The following OTOGL variants were observed in gnomAD, a reference collection of about 807,000 sequenced individuals.
OTOGL encodes the protein otogelin like.
Under a neutral mutation model 318.5 loss-of-function variants are expected in OTOGL, and 285 were observed. That is an observed-to-expected ratio of 0.89 (90% CI 0.81 to 0.99). OTOGL has a LOEUF of 0.99. OTOGL is among the 50% of genes least tolerant of loss of function. The pLI is 0.00. For synonymous variants in OTOGL, 987 were observed against 936.5 expected (o/e 1.05, Z -0.99); for missense variants, 2,899 against 2,845.6 (o/e 1.02, Z -0.43).
intron 24 of OTOGL, among the ~76,000 whole-genome samples, chr12:80,275,449 T>C (rs766522103): frequency 6.6e-6 from 1 of 151,912 alleles, no homozygotes; most frequent in Non-Finnish European, 1.5e-5. Flanking sequence ...TTGCTTCTTA[T>C]AGATGAGCAA....
intron 1 of OTOGL, among the ~76,000 whole-genome samples, chr12:80,208,553 GCT>G (rs1876992252): frequency 2.6e-5 from 4 of 152,140 alleles, no homozygotes; most frequent in Admixed American, 2.6e-4. Context: ...AAGGTGTGGG[GCT>G]CAGATCTATA....
In OTOGL at chr12:80,192,068, C is replaced by A. The variant is rs556315650; in HGVS notation, c.-19-17345C>A. ...AAAGAGGTATCAAGACTGATCCTAA[C>A]CACTGTTGTTGTTTTCCTCCTCTTC... On this transcript the variant is annotated intron_variant, in intron 1 of 58. Transcript: ENST00000547103. Among the ~76,000 whole-genome samples the A allele has an allele frequency of 6.6e-5, 10 of 152,296 alleles. 1 individual carries two copies. Among genetic ancestry groups the A allele is most frequent in the African/African-American group, 2.4e-4 (10 of 41,562 alleles).
At chr12:80,105,869 T>C (rs1320121383) in intron 1 of OTOGL, among the ~76,000 whole-genome samples, 1 of 152,214 alleles carries the variant, frequency 6.6e-6, no homozygotes, top group Non-Finnish European at 1.5e-5. Context: ...CCTGACAGTG[T>C]ACCCACTGGA....
At chr12:80,170,049 T>G (rs1206022004) in intron 1 of OTOGL, among the ~76,000 whole-genome samples, 1 of 152,172 alleles carries the variant, frequency 6.6e-6, no homozygotes, top group African/African-American at 2.4e-5. Context: ...GGTCATATGG[T>G]AAGTGGATGT....
At chr12:80,158,221 C>A (rs1873256653) in intron 1 of OTOGL, among the ~76,000 whole-genome samples, 1 of 152,094 alleles carries the variant, frequency 6.6e-6, no homozygotes, top group Non-Finnish European at 1.5e-5. Flanking sequence ...CTTGAACTGA[C>A]ATGAAGCTAT....
chr12:80,238,982 A>C lies in OTOGL; in HGVS notation c.945+4A>C, dbSNP rs1266203927. On this transcript the variant is annotated splice_donor_region_variant and intron_variant, in intron 10 of 58. Transcript: ENST00000547103. The stretch of plus-strand genomic sequence containing the variant: ...CAGTGGAATGCCAGCATTTGAGGTA[A>C]ATTTGATGTGAGAAATGTGGGCATG... 1 of 1,594,766 alleles carries C rather than the reference A, an allele frequency of 6.3e-7. No individual in the cohort carries two copies. Among genetic ancestry groups the C allele is most frequent in the South Asian group, 1.1e-5 (1 of 89,858 alleles).
intron 57 of OTOGL, among the ~76,000 whole-genome samples, chr12:80,375,844 A>G (rs1891148860): frequency 6.6e-6 from 1 of 152,114 alleles, no homozygotes; most frequent in African/African-American, 2.4e-5. Context: ...CATAAGGGGC[A>G]GAACAGCCTG....
chr12:80,136,361 C>T (rs374323045), intron 1 of OTOGL, among the ~76,000 whole-genome samples: 1 of 152,146 alleles, frequency 6.6e-6, no homozygotes, highest in African/African-American at 2.4e-5. Flanking sequence ...ACCTTTGCTC[C>T]GCTATTCTGG....
At chr12:80,277,867 C>T (rs1018951987) in intron 24 of OTOGL, among the ~76,000 whole-genome samples, 4 of 151,194 alleles carry the variant, frequency 2.6e-5, no homozygotes, top group South Asian at 2.1e-4. Flanking sequence ...AATTTTTTTT[C>T]GGGATGACTC....
At chr12:80,264,184 G>A (rs1044438272) in intron 19 of OTOGL, among the ~76,000 whole-genome samples, 2 of 152,054 alleles carry the variant, frequency 1.3e-5, no homozygotes, top group African/African-American at 4.8e-5. Context: ...CTAGGTCCAC[G>A]ATATCAAGAA....
chr12:80,217,916 T>G (rs1037234069), intron 5 of OTOGL, among the ~76,000 whole-genome samples: 1 of 152,242 alleles, frequency 6.6e-6, no homozygotes, highest in African/African-American at 2.4e-5. Context: ...TGTAAGAAAC[T>G]ATTTTTTTGT....
At chr12:80,212,884 T>C (rs1262378403) in intron 4 of OTOGL, among the ~76,000 whole-genome samples, 1 of 150,934 alleles carries the variant, frequency 6.6e-6, no homozygotes, top group African/African-American at 2.4e-5. Flanking sequence ...ACAGAACTGA[T>C]TTATTCTTAT....
rs1441034381 is a variant in OTOGL at position 80,379,462 on chromosome 12, C to T, written c.*1414C>T. On this transcript the variant is annotated 3_prime_UTR_variant, in exon 59 of 59. Transcript: ENST00000547103. ...ACTTAAATATGTGTGAAAAAATCAA[C>T]ATTGCATCTGCAAATCCCAGTGTTT... 1 of 40,214 alleles carries T rather than the reference C, an allele frequency of 2.5e-5. No homozygotes were observed. The highest frequency in any genetic ancestry group is 5.6e-5 in the Non-Finnish European group (1 of 17,738). The allele number at this position is 40,214 out of a possible 1,614,324, so 2.5% of individuals were successfully genotyped here. A position where few individuals can be genotyped will look rare whatever the true frequency, so the allele number is the denominator to read the frequency against.
At chr12:80,152,348 A>T (rs2137172003) in intron 1 of OTOGL, among the ~76,000 whole-genome samples, 1 of 152,258 alleles carries the variant, frequency 6.6e-6, no homozygotes, top group African/African-American at 2.4e-5. Flanking sequence ...AAGAAGAGAA[A>T]GCAGAGGCCC....
chr12:80,358,641 C>G, intron 50 of OTOGL, 30 bp from the exon 51 acceptor site: 1 of 1,509,146 alleles, frequency 6.6e-7, no homozygotes, highest in Non-Finnish European at 9.2e-7. Flanking sequence ...CTATAAAATT[C>G]ATCTTTACCC....
At chr12:80,308,041 G>C (rs1393310841) in intron 29 of OTOGL, among the ~76,000 whole-genome samples, 2 of 142,182 alleles carry the variant, frequency 1.4e-5, no homozygotes, top group Non-Finnish European at 3.1e-5. Flanking sequence ...CTGGCCGCGC[G>C]GGGGGCTGAT....
intron 11 of OTOGL, among the ~76,000 whole-genome samples, chr12:80,244,632 T>A (rs544623293): frequency 1.4e-5 from 2 of 144,868 alleles, no homozygotes; most frequent in Non-Finnish European, 2.9e-5. Context: ...AATAAACATA[T>A]GTGTGCATGT....
chr12:80,209,879 A>C (rs1026689096), intron 2 of OTOGL, among the ~76,000 whole-genome samples: 4 of 152,138 alleles, frequency 2.6e-5, no homozygotes, highest in African/African-American at 9.7e-5. Flanking sequence ...CTTCTAAAAG[A>C]TGATTTAAAA....
Position 80,353,340 on chromosome 12 carries a change from A to G in OTOGL, c.5423A>G (p.Glu1808Gly), listed in dbSNP as rs1396769922. Residue 1808 changes from glutamate to glycine, a missense_variant, in exon 46 of 59, where the codon GAG (glutamate) becomes GGG (glycine). Glu to Gly is a moderately conservative substitution (Grantham distance 98, BLOSUM62 -2). Around this residue, in one of 3 missense-constraint regions of OTOGL, gnomAD observed 2,607 missense variants for 2,524.9 expected, o/e 1.03. Transcript: ENST00000547103. Reference protein sequence around the residue: ...TPDYCSLSCPEGKEYQPCVRP... With the variant: ...TPDYCSLSCPGGKEYQPCVRP... The stretch of plus-strand genomic sequence containing the variant: ...TTCTTCAAAGCCCTGAGTTGCCCAG[A>G]GGGGAAGGAATATCAACCCTGTGTG... 1 of 1,563,600 alleles carries G rather than the reference A, an allele frequency of 6.4e-7. No homozygotes were observed. Among genetic ancestry groups the G allele is most frequent in the African/African-American group, 1.4e-5 (1 of 73,870 alleles).
Sources: gnomAD v4.1 joint callset for allele counts (sites outside exome capture counted in the v4.1 genomes callset) on GRCh38, gnomAD v4.1.1 for gene constraint, gnomAD v4.1.1 regional missense constraint, MANE v1.5 for transcripts, NCBI Gene and HGNC (gene_info 2026-07-23, HGNC 2026-07-21) for gene names.